The following ADAR variants were observed in gnomAD, a reference collection of about 807,000 sequenced individuals.
The protein encoded by ADAR is double-stranded RNA-specific adenosine deaminase.
ADAR carries 41 observed loss-of-function variants against 113.2 expected under a neutral mutation model. The observed-to-expected ratio is 0.36, with a 90% confidence interval of 0.28 to 0.47. ADAR has a LOEUF of 0.47. Among genes scored for constraint, ADAR ranks in the 20% least tolerant of loss-of-function variants. The pLI is 1.00. For synonymous variants in ADAR, 605 were observed against 572.6 expected (o/e 1.06, Z -0.81); for missense variants, 1,242 against 1,540.9 (o/e 0.81, Z 3.25).
intron 6 of ADAR, among the ~76,000 whole-genome samples, chr1:154,592,982 A>G (rs1697247233): frequency 2.0e-5 from 3 of 151,982 alleles, no homozygotes; most frequent in Admixed American, 2.0e-4. Flanking sequence ...CTAAAAATAC[A>G]AAAATAGTCA....
At position 154,601,265 on chromosome 1, in the gene ADAR, G is replaced by T; in HGVS notation, c.1377C>A (p.Ile459=). The T allele has an allele frequency of 6.2e-7, 1 of 1,614,228 alleles. No individual in the cohort carries two copies. The highest frequency in any genetic ancestry group is 8.5e-7 in the Non-Finnish European group (1 of 1,180,040). Residue 459 remains isoleucine (I), a synonymous_variant, in exon 2 of 15, where the codon ATC becomes ATA. Transcript: ENST00000368474. This position sits in a 1 kb window ranked among gnomAD's most constrained non-coding sequence, Gnocchi z 4.7. The stretch of plus-strand genomic sequence containing the variant: ...CGCGGATACTATTCAAGTCATCTGG[G>T]ATGTCATCTGTGGCCCACTGGCCAT... The part of the protein sequence containing the change: ...FENGQWATDD[I]PDDLNSIRAA...
At chr1:154,586,053 C>G in intron 12 of ADAR, 128 bp downstream of exon 12, 4 of 1,311,350 alleles carry the variant, frequency 3.1e-6, no homozygotes, top group Non-Finnish European at 4.4e-6. Context: ...GACACTCAAT[C>G]AATTACTGAG....
At chr1:154,622,956 T>C (rs529346438) in intron 1 of ADAR, among the ~76,000 whole-genome samples, 4 of 152,234 alleles carry the variant, frequency 2.6e-5, no homozygotes, top group Non-Finnish European at 5.9e-5. Context: ...AGACAGTCAA[T>C]GAGGAGAGAC....
Position 154,601,360 on chromosome 1 carries a change from C to T in ADAR, c.1282G>A (p.Glu428Lys). The part of the protein sequence containing the change: ...KLENRQEARP[E>K]PARLKPPVHY... ...ACAGGTGGTTTCAGTCTTGCTGGTT[C>T]TGGTCTGGCCTCTTGCCTGTTTTCT... Residue 428 changes from glutamate to lysine, a missense_variant, in exon 2 of 15, where the codon GAA becomes AAA. By Grantham distance (56) the Glu-to-Lys change is moderately conservative (BLOSUM62 1). Transcript: ENST00000368474. The surrounding 1 kb of genome is among the most constrained non-coding windows in gnomAD (Gnocchi z 4.7). 1.2e-6 allele frequency: 2 copies of T among 1,614,252 alleles called. No individual in the cohort carries two copies. Among genetic ancestry groups the T allele is most frequent in the Non-Finnish European group, 1.7e-6 (2 of 1,180,044 alleles).
intron 7 of ADAR, 49 bp downstream of exon 7, chr1:154,590,135 A>AGGGGGGGGGGGGGGG: frequency 8.3e-7 from 1 of 1,205,044 alleles, no homozygotes; most frequent in Non-Finnish European, 1.2e-6. Flanking sequence ...CTTAGGAGTT[A>AGGGGGGGGGGGGGGG]GGAGGACCCC....
At chr1:154,588,088 C>G (rs1696882110) in intron 11 of ADAR, 37 bp downstream of exon 11, 1 of 1,612,184 alleles carries the variant, frequency 6.2e-7, no homozygotes, top group East Asian at 2.2e-5. Flanking sequence ...CTTGCAGAGC[C>G]TTTTGAGGAA....
At position 154,582,879 on chromosome 1, in the gene ADAR, T is replaced by G. The variant is rs557438551; in HGVS notation, c.*1927A>C. The G allele has an allele frequency of 1.4e-4, 21 of 152,368 alleles. No homozygotes were observed. The highest frequency in any genetic ancestry group is 4.6e-4 in the African/African-American group (19 of 41,558). The allele number at this position is 152,368 out of a possible 1,614,324, so 9.4% of individuals were successfully genotyped here. ...ACCCAGAGCCAGGGAGCAGGCCTCT[T>G]CCACTCCAGGAGACAGGCGCCACTT... On this transcript the variant is annotated 3_prime_UTR_variant, in exon 15 of 15. Coordinates refer to ENST00000368474, the MANE Select transcript of ADAR (RefSeq NM_001111.5).
chr1:154,590,500 T>C, intron 6 of ADAR, 91 bp from the exon 7 acceptor site: 2 of 1,278,140 alleles, frequency 1.6e-6, no homozygotes, highest in South Asian at 2.4e-5. Context: ...GTGGCCAGTC[T>C]TGCAAACATA....
chr1:154,586,040 C>T, intron 12 of ADAR, 141 bp downstream of exon 12: 1 of 1,249,282 alleles, frequency 8.0e-7, no homozygotes, highest in Non-Finnish European at 1.2e-6. Context: ...CCACAGCAGA[C>T]TGGACACTCA....
exon 1 of ADAR, chr1:154,627,939 C>A (rs1557909884): frequency 1.9e-6 from 1 of 513,458 alleles, no homozygotes; most frequent in South Asian, 1.4e-5. Context: ...TCCCCCACCA[C>A]GTAGCCTTCT....
In ADAR at chr1:154,601,059, C is replaced by A; in HGVS notation, c.1583G>T (p.Gly528Val). Reference protein sequence around the residue: ...TCEFNMIEQSGPPHEPRFKFQ... With the variant: ...TCEFNMIEQSVPPHEPRFKFQ... ...CTCTTACCGAGGTTCATGGGGTGGTCCACTCTGCTCTATCATGTTGAACTC... is the reference window on the plus strand; with the variant it reads ...CTCTTACCGAGGTTCATGGGGTGGTACACTCTGCTCTATCATGTTGAACTC... The change falls in exon 2 of 15, where the codon GGA (glycine) becomes GTA (valine). Residue 528 changes from glycine (G) to valine (V), a missense_variant. Physicochemically the swap from Gly to Val is moderately radical, Grantham distance 109. Transcript: ENST00000368474. This position sits in a 1 kb window ranked among gnomAD's most constrained non-coding sequence, Gnocchi z 4.7. 1 of 1,614,142 alleles carries A rather than the reference C, an allele frequency of 6.2e-7. No individual in the cohort carries two copies. The highest frequency in any genetic ancestry group is 1.1e-5 in the South Asian group (1 of 91,078).
chr1:154,603,372 C>T (rs1455722135), intron 1 of ADAR, among the ~76,000 whole-genome samples: 1 of 152,164 alleles, frequency 6.6e-6, no homozygotes, highest in Admixed American at 6.5e-5. Flanking sequence ...AAAAATGGCA[C>T]ACTGTCCTCA....
At position 154,608,045 on chromosome 1, in the gene ADAR, G is replaced by A. The variant is rs1198384266; in HGVS notation, c.-39C>T. 2 of 1,562,100 alleles carry A rather than the reference G, an allele frequency of 1.3e-6. No homozygotes were observed. Among genetic ancestry groups the A allele is most frequent in the Non-Finnish European group, 8.7e-7 (1 of 1,153,082 alleles). On this transcript the variant is annotated 5_prime_UTR_variant, in exon 1 of 15. Coordinates refer to ENST00000368474, the MANE Select transcript of ADAR (RefSeq NM_001111.5). Reference sequence around the variant, plus strand: ...CATTGCCCGGCCCGACCCGCCGGCGGCACGACCCTGGCCCGACCGCTGGGC... The same window carrying A: ...CATTGCCCGGCCCGACCCGCCGGCGACACGACCCTGGCCCGACCGCTGGGC...
At position 154,586,267 on chromosome 1, in the gene ADAR, T is replaced by C. The variant is rs888096276; in HGVS notation, c.3116A>G (p.Lys1039Arg). ...GCCCAGCACGTTCCAGCGTAGGATTTTGTCACTACAGGACATGGTACGGAG... is the reference window on the plus strand; with the variant it reads ...GCCCAGCACGTTCCAGCGTAGGATTCTGTCACTACAGGACATGGTACGGAG... Reference protein sequence around the residue: ...ERLRTMSCSDKILRWNVLGLQ... With the variant: ...ERLRTMSCSDRILRWNVLGLQ... The change falls in exon 12 of 15, where the codon AAA becomes AGA. Residue 1039 changes from lysine to arginine, a missense_variant. Lys to Arg is a conservative substitution (Grantham distance 26, BLOSUM62 2). Transcript: ENST00000368474. The C allele has an allele frequency of 4.3e-6, 7 of 1,614,046 alleles. No homozygotes were observed. The highest frequency in any genetic ancestry group is 5.1e-6 in the Non-Finnish European group (6 of 1,180,046).
At chr1:154,627,806 G>A (rs1236866864) in intron 1 of ADAR, 1 of 515,130 alleles carries the variant, frequency 1.9e-6, no homozygotes, top group South Asian at 1.4e-5. Context: ...CGCATGGGCC[G>A]CGCGTTCCAG....
chr1:154,582,166 C>T lies in ADAR; in HGVS notation c.*2640G>A, dbSNP rs933520366. The T allele has an allele frequency of 2.2e-4, 33 of 152,484 alleles. No individual in the cohort carries two copies. The highest frequency in any genetic ancestry group is 7.7e-4 in the African/African-American group (32 of 41,368). 9.4% of individuals were successfully genotyped at this position (152,484 alleles called of 1,614,324 possible). A position where few individuals can be genotyped will look rare whatever the true frequency, so the allele number is the denominator to read the frequency against. ...GCAGAATCATAAAACTGGACTGCAG[C>T]CATCATCACAGTACCCGAGTCTATG... On this transcript the variant is annotated 3_prime_UTR_variant, in exon 15 of 15. Coordinates refer to ENST00000368474, the MANE Select transcript of ADAR (RefSeq NM_001111.5).
chr1:154,599,646 T>C (rs981757660), intron 2 of ADAR, among the ~76,000 whole-genome samples: 34 of 152,198 alleles, frequency 2.2e-4, no homozygotes, highest in Non-Finnish European at 1.0e-4. Flanking sequence ...AGTGGAATTC[T>C]CCCCCATCCT....
At chr1:154,625,578 G>C (rs1444220757) in intron 1 of ADAR, among the ~76,000 whole-genome samples, 1 of 152,240 alleles carries the variant, frequency 6.6e-6, no homozygotes, top group South Asian at 2.1e-4. Context: ...GAAGCGAAAG[G>C]CCTGGCGCGG....
rs1236873184 is a variant in ADAR, at chr1:154,586,301, C to T, written c.3082G>A (p.Gly1028Arg). The change falls in exon 12 of 15, where the codon GGG becomes AGG. Residue 1028 changes from glycine to arginine, a missense_variant. This residue lies in a region of ADAR where 780 missense variants were observed against 1,057.9 expected (regional missense o/e 0.74). Coordinates refer to ENST00000368474, the MANE Select transcript of ADAR (RefSeq NM_001111.5). ...IVPTWDGIRL[G>R]ERLRTMSCSD... The stretch of plus-strand genomic sequence containing the variant: ...CAGGACATGGTACGGAGTCTCTCCC[C>T]GAGCCGAATGCCATCCCACGTAGGC... 14 of 1,614,064 alleles carry T rather than the reference C, an allele frequency of 8.7e-6. No homozygotes were observed. The highest frequency in any genetic ancestry group is 2.2e-5 in the East Asian group (1 of 44,892).
Sources: allele counts gnomAD v4.1 joint callset (sites outside exome capture counted in the v4.1 genomes callset), GRCh38; gene constraint gnomAD v4.1.1; regional missense constraint gnomAD v4.1.1; non-coding constraint Gnocchi (gnomAD v3.1); transcripts MANE v1.5; gene names NCBI Gene and HGNC (gene_info 2026-07-23, HGNC 2026-07-21).